BCORL1: variants seen among roughly 807,000 people sequenced by gnomAD.
BCORL1 encodes BCL6 corepressor like 1, also known as BCL-6 corepressor-like protein 1.
BCORL1 carries 7 observed loss-of-function variants against 87.6 expected under a neutral mutation model. The observed-to-expected ratio is 0.08, with a 90% CI of 0.05 to 0.15. BCORL1 has a LOEUF of 0.15. Among genes scored for constraint, BCORL1 ranks in the 10% least tolerant of loss-of-function variants. BCORL1 has a pLI of 1.00. For missense variants in BCORL1, 1,215 were observed against 1,499.7 expected (o/e 0.81, Z 3.13); for synonymous variants, 591 against 634.4 (o/e 0.93, Z 1.03).
chrX:130,053,934 C>T (rs1603184286), intron 13 of BCORL1, among the ~76,000 whole-genome samples: 2 of 112,069 alleles, frequency 1.8e-5, no homozygotes, highest in South Asian at 7.5e-4. Context: ...CCATTTCCTA[C>T]TCATGTGAGA....
At chrX:130,039,428 C>T (rs1164126015) in intron 11 of BCORL1, 146 bp downstream of exon 11, 16 of 761,405 alleles carry the variant, frequency 2.1e-5, no homozygotes, top group Non-Finnish European at 3.0e-5. Flanking sequence ...ATTCAAAGAG[C>T]TCAAGAATCT....
At chrX:130,050,890 C>G in intron 12 of BCORL1, 96 bp downstream of exon 12, 3 of 731,286 alleles carry the variant, frequency 4.1e-6, no homozygotes, top group South Asian at 2.5e-5. Flanking sequence ...GCTTACAGAC[C>G]CTTTCAGACC....
rs986802767 is a variant in BCORL1, at chrX:130,051,848, C to T, written c.4919-12C>T. On this transcript the variant is annotated splice_polypyrimidine_tract_variant and intron_variant, in intron 12 of 13. Coordinates refer to ENST00000540052, the MANE Select transcript of BCORL1 (RefSeq NM_001379451.1). The stretch of plus-strand genomic sequence containing the variant: ...TATCTGAGTCCTAATCCCCTATATG[C>T]TCCCCTTACAGAGGAAAAAGACGGG... The T allele has an allele frequency of 4.7e-5, 55 of 1,179,070 alleles. No homozygotes were observed. The highest frequency in any genetic ancestry group is 4.7e-4 in the Middle Eastern group (2 of 4,230).
intron 11 of BCORL1, among the ~76,000 whole-genome samples, chrX:130,049,950 A>G (rs1417479312): frequency 2.7e-5 from 3 of 111,697 alleles, no homozygotes; most frequent in Non-Finnish European, 5.6e-5. Flanking sequence ...AAATGCCTTC[A>G]GGCTTAAAAG....
intron 9 of BCORL1, among the ~76,000 whole-genome samples, chrX:130,035,422 C>T (rs1002198910): frequency 1.1e-4 from 12 of 112,109 alleles, no homozygotes; most frequent in African/African-American, 3.6e-4. Flanking sequence ...CCATTGTTCC[C>T]CACTTTTTAT....
Position 130,052,327 on chromosome X carries a change from A to G in BCORL1, c.5075+311A>G, listed in dbSNP as rs571545308. On this transcript the variant is annotated intron_variant, in intron 13 of 13. Coordinates refer to ENST00000540052, the MANE Select transcript of BCORL1 (RefSeq NM_001379451.1). ...TATGAACTGCTAGAATCTCTGGAAC[A>G]TTTTTGTAGTTTCTGGGGGTAAACA... is the stretch of plus-strand genomic sequence containing the variant. Among the ~76,000 whole-genome samples, 8 of 112,485 alleles carry G rather than the reference A, an allele frequency of 7.1e-5. No individual in the cohort carries two copies. In the South Asian group the frequency reaches 2.9e-3, roughly 41 times the overall value.
intron 5 of BCORL1, among the ~76,000 whole-genome samples, chrX:130,022,542 C>T (rs1485498415): frequency 1.8e-5 from 2 of 111,297 alleles, no homozygotes; most frequent in African/African-American, 6.5e-5. Flanking sequence ...GCCACCATGC[C>T]CAGCAGAACT....
At position 130,004,289 on chromosome X, in the gene BCORL1, G is replaced by C. The variant is rs188355941; in HGVS notation, c.-44-899G>C. Among the ~76,000 whole-genome samples, 177 of 99,623 alleles carry C rather than the reference G, an allele frequency of 1.8e-3. 2 individuals are homozygous for C. The highest frequency in any genetic ancestry group is 6.3e-3 in the African/African-American group (167 of 26,325). 86.5% of individuals were successfully genotyped at this position (99,623 alleles called of 115,157 possible). A position where few individuals can be genotyped will look rare whatever the true frequency, so the allele number is the denominator to read the frequency against. On this transcript the variant is annotated intron_variant, in intron 1 of 13. Coordinates refer to ENST00000540052, the MANE Select transcript of BCORL1 (RefSeq NM_001379451.1). Reference sequence around the variant, plus strand: ...AGACAGAGTCTTGCTCTGTGGCCCAGGCTGGAGTGCGCTGGCATGATCTCA... The same window carrying C: ...AGACAGAGTCTTGCTCTGTGGCCCACGCTGGAGTGCGCTGGCATGATCTCA...
intron 12 of BCORL1, 44 bp downstream of exon 12, chrX:130,050,838 A>C: frequency 9.1e-7 from 1 of 1,098,173 alleles, no homozygotes; most frequent in Non-Finnish European, 1.3e-6. Context: ...TCTCAAGGAC[A>C]GGAGTAGCCC....
intron 11 of BCORL1, among the ~76,000 whole-genome samples, chrX:130,042,315 G>T (rs1462583120): frequency 9.1e-6 from 1 of 110,323 alleles, no homozygotes; most frequent in Non-Finnish European, 1.9e-5. Context: ...GGCTGGTCTG[G>T]AACTCCTGGG....
chrX:130,010,352 G>A (rs1374388633), intron 2 of BCORL1, among the ~76,000 whole-genome samples: 1 of 111,860 alleles, frequency 8.9e-6, no homozygotes, highest in Non-Finnish European at 1.9e-5. Flanking sequence ...CCCAAGGCTG[G>A]GCATAGGTCT....
chrX:130,000,785 C>A (rs756169469), intron 1 of BCORL1, among the ~76,000 whole-genome samples: 1 of 112,213 alleles, frequency 8.9e-6, no homozygotes, highest in Non-Finnish European at 1.9e-5. Flanking sequence ...AGCTTGAAGA[C>A]AATAACCTGA....
chrX:130,022,809 C>T lies in BCORL1; in HGVS notation c.3608-88C>T, dbSNP rs1029909230. 7 of 790,612 alleles carry T rather than the reference C, an allele frequency of 8.9e-6. No individual in the cohort carries two copies. The African/African-American group carries it at 1.0e-4, about 12-fold the overall frequency. 65.2% of individuals were successfully genotyped at this position (790,612 alleles called of 1,213,427 possible). On this transcript the variant is annotated intron_variant, in intron 5 of 13. Transcript: ENST00000540052. ...AAACACAAACTCTTTCTCAATCTTT[C>T]CCCCGAGCCTCACAGGTGGGCTTTC...
chrX:130,015,274 C>T lies in BCORL1; in HGVS notation c.2502C>T (p.Ser834=). The change falls in exon 4 of 14, where the codon TCC becomes TCT. Residue 834 remains serine (S), a synonymous_variant. Coordinates refer to ENST00000540052, the MANE Select transcript of BCORL1 (RefSeq NM_001379451.1). The part of the protein sequence containing the change: ...TSTQVLPVGW[S]PYHQASLLSI... The stretch of plus-strand genomic sequence containing the variant: ...CCCAGGTCCTGCCTGTTGGCTGGTC[C>T]CCGTACCACCAGGCGTCTCTGCTTT... 1 of 1,211,821 alleles carries T rather than the reference C, an allele frequency of 8.3e-7. No homozygotes were observed.
rs991275226 is a variant in BCORL1, at chrX:130,056,539, A to G, written c.*403A>G. On this transcript the variant is annotated 3_prime_UTR_variant, in exon 14 of 14. Transcript: ENST00000540052. ...ATCCCAGATCTCTGAGCGCCCCCCA[A>G]CTCCATTCCCCTGTGTTCTTCTGTC... The G allele has an allele frequency of 9.4e-5, 13 of 137,572 alleles. No homozygotes were observed. The highest frequency in any genetic ancestry group is 1.7e-4 in the Non-Finnish European group (12 of 70,565). The allele number at this position is 137,572 out of a possible 1,213,427, so 11.3% of individuals were successfully genotyped here. A position where few individuals can be genotyped will look rare whatever the true frequency, so the allele number is the denominator to read the frequency against.
rs184232395 is a variant in BCORL1 at position 130,025,119 on chromosome X, G to A, written c.3818G>A (p.Arg1273Gln). The A allele has an allele frequency of 3.5e-4, 425 of 1,210,091 alleles. No homozygotes were observed. Among genetic ancestry groups the A allele is most frequent in the African/African-American group, 4.5e-4 (26 of 57,235 alleles). The change falls in exon 7 of 14, where the codon CGG (arginine) becomes CAG (glutamine). Residue 1273 changes from arginine to glutamine, a missense_variant. Physicochemically the swap from Arg to Gln is conservative, Grantham distance 43 (BLOSUM62 1). Around this residue, in one of 5 missense-constraint regions of BCORL1, gnomAD observed 166 missense variants for 196.5 expected, o/e 0.84. Coordinates refer to ENST00000540052, the MANE Select transcript of BCORL1 (RefSeq NM_001379451.1). The stretch of plus-strand genomic sequence containing the variant: ...CGTCGAAAGGTGAGAAAGACCCAAC[G>A]GGACACCCAGTATCGCAGCCACCAT... Reference protein sequence around the residue: ...AKRRKVRKTQRDTQYRSHHAQ... With the variant: ...AKRRKVRKTQQDTQYRSHHAQ...
At chrX:130,028,915 GAGGCAGGA>G in intron 8 of BCORL1, 54 bp downstream of exon 8, 1 of 230,149 alleles carries the variant, frequency 4.3e-6, no homozygotes, top group East Asian at 1.3e-4. Context: ...GGGGTCAGAG[GAGGCAGGA>G]GGGGGGTGGG....
chrX:130,049,637 C>T (rs1240993925), intron 11 of BCORL1, among the ~76,000 whole-genome samples: 2 of 112,446 alleles, frequency 1.8e-5, no homozygotes, highest in Admixed American at 9.4e-5. Context: ...GGATTACAGG[C>T]GTGCGCCACT....
Position 130,015,938 on chromosome X carries a change from G to C in BCORL1, c.3166G>C (p.Gly1056Arg), listed in dbSNP as rs1391700511. 4 of 1,211,982 alleles carry C rather than the reference G, an allele frequency of 3.3e-6. No homozygotes were observed. The Admixed American group carries it at 8.7e-5, about 26-fold the overall frequency. ...GCGAGTGAAAATGGAGAAGGTGGAT[G>C]GTGATGTGGTCTTCAATTTAGCCAC... Reference protein sequence around the residue: ...LGRVKMEKVDGDVVFNLATCF... With the variant: ...LGRVKMEKVDRDVVFNLATCF... Residue 1056 changes from glycine (G) to arginine (R), a missense_variant, in exon 4 of 14, where the codon GGT becomes CGT. Gly to Arg is a moderately radical substitution (Grantham distance 125). Around this residue, in one of 5 missense-constraint regions of BCORL1, gnomAD observed 861 missense variants for 1,010.0 expected, o/e 0.85. Transcript: ENST00000540052.
Sources: allele counts gnomAD v4.1 joint callset (sites outside exome capture counted in the v4.1 genomes callset), GRCh38; gene constraint gnomAD v4.1.1; regional missense constraint gnomAD v4.1.1; transcripts MANE v1.5; gene names NCBI Gene and HGNC (gene_info 2026-07-23, HGNC 2026-07-21).